GRIA4: variants seen among roughly 807,000 people sequenced by gnomAD.
GRIA4 encodes the protein glutamate receptor 4.
GRIA4 carries 34 observed loss-of-function variants against 104.0 expected under a neutral mutation model. That is an observed-to-expected ratio of 0.33 (90% CI 0.25 to 0.44). The LOEUF (loss-of-function observed/expected upper bound fraction) is 0.44, where lower values mean the gene tolerates loss of function less well. GRIA4 is among the 20% of genes least tolerant of loss of function. GRIA4 has a pLI of 1.00. For missense variants in GRIA4, 750 were observed against 1,096.5 expected, an observed-to-expected ratio of 0.68 and a Z score of 4.46; for synonymous variants, 386 against 381.9, an observed-to-expected ratio of 1.01 and a Z score of -0.13.
intron 3 of GRIA4, among the ~76,000 whole-genome samples, chr11:105,630,313 C>T (rs1005508693): frequency 6.6e-6 from 1 of 152,186 alleles, no homozygotes; most frequent in South Asian, 2.1e-4. Context: ...TGCCTGTAAT[C>T]CCAGCACTTT....
At chr11:105,633,155 G>A (rs1298101416) in intron 3 of GRIA4, among the ~76,000 whole-genome samples, 1 of 152,168 alleles carries the variant, frequency 6.6e-6, no homozygotes, top group Non-Finnish European at 1.5e-5. Flanking sequence ...ACGACTCAAT[G>A]AATTAGTGCC....
At chr11:105,865,437 G>T (rs920548019) in intron 5 of GRIA4, among the ~76,000 whole-genome samples, 1 of 152,114 alleles carries the variant, frequency 6.6e-6, no homozygotes, top group Admixed American at 6.5e-5. Flanking sequence ...AATTTGTGAT[G>T]AATTTTTTAT....
intron 4 of GRIA4, among the ~76,000 whole-genome samples, chr11:105,760,758 G>T (rs968940996): frequency 6.6e-6 from 1 of 151,188 alleles, no homozygotes; most frequent in Non-Finnish European, 1.5e-5. Context: ...TATCATGTTT[G>T]TTAAGGTACA....
At chr11:105,761,077 C>A (rs1940617481) in intron 4 of GRIA4, among the ~76,000 whole-genome samples, 1 of 152,118 alleles carries the variant, frequency 6.6e-6, no homozygotes, top group Admixed American at 6.6e-5. Flanking sequence ...AAGGAAATCT[C>A]CCACCTTGGT....
At chr11:105,632,336 T>C (rs1951055181) in intron 3 of GRIA4, among the ~76,000 whole-genome samples, 1 of 152,208 alleles carries the variant, frequency 6.6e-6, no homozygotes, top group South Asian at 2.1e-4. Flanking sequence ...TCCAAATATG[T>C]CTGTTTACAC....
At chr11:105,697,901 T>G (rs1301841165) in intron 3 of GRIA4, among the ~76,000 whole-genome samples, 1 of 152,206 alleles carries the variant, frequency 6.6e-6, no homozygotes, top group South Asian at 2.1e-4. Context: ...ATAGCTTTCA[T>G]CAGCTTTTCA....
chr11:105,745,069 G>T (rs536515153), intron 3 of GRIA4, among the ~76,000 whole-genome samples: 17 of 152,020 alleles, frequency 1.1e-4, no homozygotes, highest in South Asian at 4.1e-4. Flanking sequence ...GAAGAAAATA[G>T]AAACTCTGAA....
chr11:105,926,978 T>C, intron 13 of GRIA4, 39 bp downstream of exon 13: 1 of 1,438,490 alleles, frequency 7.0e-7, no homozygotes, highest in Non-Finnish European at 9.7e-7. Context: ...ATGTTTATCA[T>C]TTTGAAATTC....
At chr11:105,879,109 G>A (rs1048883354) in intron 5 of GRIA4, among the ~76,000 whole-genome samples, 1 of 152,024 alleles carries the variant, frequency 6.6e-6, no homozygotes. Context: ...ATCCCTCATG[G>A]CACATTCTCT....
chr11:105,767,602 G>A (rs1273607086), intron 4 of GRIA4, among the ~76,000 whole-genome samples: 1 of 152,048 alleles, frequency 6.6e-6, no homozygotes, highest in Non-Finnish European at 1.5e-5. Context: ...TGAAAAAGTT[G>A]CTTTTAAGTA....
rs781286467 is a variant in GRIA4, at chr11:105,979,693, TCAGA to T, written c.2666_2669del (p.Arg889LysfsTer20). 3 of 1,614,062 alleles carry T rather than the reference TCAGA, an allele frequency of 1.9e-6. No homozygotes were observed. Among genetic ancestry groups the T allele is most frequent in the East Asian group, 2.2e-5 (1 of 44,874 alleles). On this transcript the variant is annotated frameshift_variant, in exon 17 of 17. Coordinates refer to ENST00000282499, the MANE Select transcript of GRIA4 (RefSeq NM_000829.4). LOFTEE classifies it high-confidence loss of function. ...AAGGCTGTACACACTGGAACTGCAA[TCAGA>T]CAAAGTTCAGGATTGGCTGTCATTG...
At chr11:105,920,729 G>C (rs189397825) in intron 11 of GRIA4, among the ~76,000 whole-genome samples, 152 of 152,198 alleles carry the variant, frequency 1.0e-3, no homozygotes, top group African/African-American at 3.3e-3. Context: ...AGAGACAAAA[G>C]ATAACATAAT....
chr11:105,785,360 G>A (rs1349427017), intron 4 of GRIA4, among the ~76,000 whole-genome samples: 1 of 152,048 alleles, frequency 6.6e-6, no homozygotes, highest in African/African-American at 2.4e-5. Flanking sequence ...AGATCAATCT[G>A]AGAGACAATA....
chr11:105,726,655 C>T (rs966114011), intron 3 of GRIA4, among the ~76,000 whole-genome samples: 11 of 152,040 alleles, frequency 7.2e-5, no homozygotes, highest in Non-Finnish European at 1.2e-4. Flanking sequence ...TCTGGTGGGT[C>T]CCCCTCTGGA....
At chr11:105,758,235 C>A (rs1940424276) in intron 4 of GRIA4, among the ~76,000 whole-genome samples, 1 of 152,054 alleles carries the variant, frequency 6.6e-6, no homozygotes, top group Non-Finnish European at 1.5e-5. Context: ...CACAGGGAGA[C>A]CCCCATCTCT....
At position 105,960,778 on chromosome 11, in the gene GRIA4, C is replaced by T. The variant is rs575886100; in HGVS notation, c.2295-11136C>T. ...GCGTGGGTTCGCGAGTGGGACCTTC[C>T]CATCTGTGGGTTGCACAGTTCCATG... On this transcript the variant is annotated intron_variant, in intron 14 of 16. Transcript: ENST00000282499. Among the ~76,000 whole-genome samples the T allele has an allele frequency of 1.7e-4, 26 of 152,318 alleles. 2 individuals carry two copies. The South Asian group carries it at 5.2e-3, about 30-fold the overall frequency.
At chr11:105,900,644 T>G (rs1158016204) in intron 7 of GRIA4, among the ~76,000 whole-genome samples, 1 of 152,206 alleles carries the variant, frequency 6.6e-6, no homozygotes, top group Non-Finnish European at 1.5e-5. Context: ...TGGAGTGCAG[T>G]GTCGCGATCT....
chr11:105,729,541 C>G (rs1938448113), intron 3 of GRIA4, among the ~76,000 whole-genome samples: 1 of 152,122 alleles, frequency 6.6e-6, no homozygotes, highest in African/African-American at 2.4e-5. Context: ...CAAAACCTGG[C>G]AGAGACACAA....
intron 14 of GRIA4, among the ~76,000 whole-genome samples, chr11:105,936,551 CCTT>C (rs1948040647): frequency 6.6e-6 from 1 of 152,104 alleles, no homozygotes; most frequent in African/African-American, 2.4e-5. Context: ...AGTAATCTGT[CCTT>C]CTATTTACAC....
Sources: allele counts gnomAD v4.1 joint callset (sites outside exome capture counted in the v4.1 genomes callset), GRCh38; gene constraint gnomAD v4.1.1; transcripts MANE v1.5; gene names NCBI Gene and HGNC (gene_info 2026-07-23, HGNC 2026-07-21).